TMEM72: variants seen among roughly 807,000 people sequenced by gnomAD.
TMEM72 encodes kidney-specific secretory protein of 37 kDa.
Under a neutral mutation model 16.3 loss-of-function variants are expected in TMEM72, and 9 were observed. The observed-to-expected ratio is 0.55, with a 90% CI of 0.33 to 0.96. The LOEUF (loss-of-function observed/expected upper bound fraction) is 0.96. Among genes scored for constraint, TMEM72 ranks in the 40% least tolerant of loss-of-function variants. The pLI is 0.03. For missense variants in TMEM72, 324 were observed against 337.8 expected (o/e 0.96, Z 0.32); for synonymous variants, 160 against 146.5 (o/e 1.09, Z -0.66).
rs190589531 is a variant in TMEM72, at chr10:44,927,386, T to G, written c.71-535T>G. Among the ~76,000 whole-genome samples the G allele has an allele frequency of 1.9e-3, 288 of 151,192 alleles. 3 individuals carry two copies. The highest frequency in any genetic ancestry group is 1.1e-3 in the Non-Finnish European group (74 of 67,916). ...GGAGGAGAGCTGAGGTTGAGCAACA[T>G]TTTCTTGTCAGAGAAAAACCCCAGG... On this transcript the variant is annotated intron_variant, in intron 1 of 4. Coordinates refer to ENST00000389583, the MANE Select transcript of TMEM72 (RefSeq NM_001123376.3).
intron 2 of TMEM72, 78 bp from the exon 3 acceptor site, chr10:44,931,920 C>A: frequency 7.0e-7 from 1 of 1,430,014 alleles, no homozygotes. Flanking sequence ...TGTCAGGAGG[C>A]CACGTGTGAG....
chr10:44,933,749 G>A lies in TMEM72; in HGVS notation c.322G>A (p.Val108Ile), dbSNP rs1840345214. Residue 108 changes from valine (V) to isoleucine (I), a missense_variant, in exon 4 of 5, where the codon GTC becomes ATC. By Grantham distance (29) the Val-to-Ile change is conservative. Transcript: ENST00000389583. ...GTCGGTGGCCTGCTTCCTCCACCCG[G>A]TCCTGGTCTGGCACGTGACCATCCC... ...LLSVACFLHP[V>I]LVWHVTIPGS... is the part of the protein sequence containing the mutation. The A allele has an allele frequency of 7.4e-6, 12 of 1,613,860 alleles. No homozygotes were observed. Among genetic ancestry groups the A allele is most frequent in the Non-Finnish European group, 1.0e-5 (12 of 1,179,940 alleles).
At chr10:44,917,453 G>T (rs1246761523) in intron 1 of TMEM72, among the ~76,000 whole-genome samples, 1 of 152,122 alleles carries the variant, frequency 6.6e-6, no homozygotes, top group Admixed American at 6.5e-5. Flanking sequence ...ATTATACTGG[G>T]AAACATTTCC....
intron 1 of TMEM72, among the ~76,000 whole-genome samples, chr10:44,920,636 C>G (rs1036210684): frequency 6.6e-6 from 1 of 152,204 alleles, no homozygotes; most frequent in Non-Finnish European, 1.5e-5. Flanking sequence ...TTAATGGGAG[C>G]AAAGGATGAG....
intron 2 of TMEM72, among the ~76,000 whole-genome samples, chr10:44,928,210 T>C (rs1310524142): frequency 6.6e-6 from 1 of 151,930 alleles, no homozygotes; most frequent in East Asian, 1.9e-4. Flanking sequence ...ATCCACCAAT[T>C]GATCCAGCCA....
chr10:44,931,862 G>C (rs1684816184), intron 2 of TMEM72, 136 bp from the exon 3 acceptor site: 2 of 851,976 alleles, frequency 2.3e-6, no homozygotes, highest in Non-Finnish European at 3.7e-6. Flanking sequence ...AGCCCGTGGT[G>C]AATGTTGTCT....
At chr10:44,922,145 T>C (rs887511554) in intron 1 of TMEM72, among the ~76,000 whole-genome samples, 2 of 152,166 alleles carry the variant, frequency 1.3e-5, no homozygotes, top group African/African-American at 2.4e-5. Context: ...GAGCCCCGCC[T>C]AAATCTGAAA....
intron 4 of TMEM72, 97 bp from the exon 5 acceptor site, chr10:44,934,559 C>G: frequency 2.4e-6 from 3 of 1,254,318 alleles, no homozygotes; most frequent in Non-Finnish European, 3.3e-6. Context: ...GGCCACACAG[C>G]GCCGGGTTGC....
chr10:44,914,465 G>A (rs1281818425), intron 1 of TMEM72, among the ~76,000 whole-genome samples: 3 of 152,206 alleles, frequency 2.0e-5, no homozygotes, highest in South Asian at 2.1e-4. Flanking sequence ...GCATGCGCCC[G>A]TGTGATGTCT....
At chr10:44,912,148 T>C (rs1439947456) in intron 1 of TMEM72, among the ~76,000 whole-genome samples, 1 of 152,204 alleles carries the variant, frequency 6.6e-6, no homozygotes, top group Non-Finnish European at 1.5e-5. Flanking sequence ...CCCAGACCCC[T>C]GTCTGAGGTC....
chr10:44,915,424 C>T (rs1839999509), intron 1 of TMEM72, among the ~76,000 whole-genome samples: 1 of 152,128 alleles, frequency 6.6e-6, no homozygotes. Context: ...AAACCGAGGC[C>T]TGATGGAGCG....
At chr10:44,930,493 A>T (rs1306761980) in intron 2 of TMEM72, among the ~76,000 whole-genome samples, 1 of 152,182 alleles carries the variant, frequency 6.6e-6, no homozygotes, top group South Asian at 2.1e-4. Context: ...CAGTAATTAT[A>T]GTGTTTATTA....
intron 1 of TMEM72, among the ~76,000 whole-genome samples, chr10:44,923,383 T>C (rs141848013): frequency 0.014 from 2,066 of 152,122 alleles, 21 homozygotes; most frequent in Non-Finnish European, 0.021. Context: ...CATTTCTCCC[T>C]CTCACTCTTA....
In TMEM72 at chr10:44,935,774, G is replaced by C. The variant is rs1429718266; in HGVS notation, c.*640G>C. 2 of 152,330 alleles carry C rather than the reference G, an allele frequency of 1.3e-5. No individual in the cohort carries two copies. The highest frequency in any genetic ancestry group is 1.3e-4 in the Admixed American group (2 of 15,292). The allele number at this position is 152,330 out of a possible 1,614,324, so 9.4% of individuals were successfully genotyped here. On this transcript the variant is annotated 3_prime_UTR_variant, in exon 5 of 5. Coordinates refer to ENST00000389583, the MANE Select transcript of TMEM72 (RefSeq NM_001123376.3). ...TCTGTGCTCACTGTGGGAAAGCCAG[G>C]CCAGATGAGCAAAGCTCATTCCAGA... is the stretch of plus-strand genomic sequence containing the variant.
intron 1 of TMEM72, among the ~76,000 whole-genome samples, chr10:44,917,419 G>A (rs1840029077): frequency 6.6e-6 from 1 of 152,160 alleles, no homozygotes; most frequent in Admixed American, 6.5e-5. Flanking sequence ...GCTGGAAGGA[G>A]GAAGGGGCTA....
chr10:44,919,389 T>C (rs148391501), intron 1 of TMEM72, among the ~76,000 whole-genome samples: 477 of 152,300 alleles, frequency 3.1e-3, no homozygotes, highest in Non-Finnish European at 4.7e-3. Flanking sequence ...GTAGAAAATC[T>C]AATAGAATCT....
intron 1 of TMEM72, among the ~76,000 whole-genome samples, chr10:44,914,582 G>A (rs1031007215): frequency 2.0e-5 from 3 of 152,210 alleles, no homozygotes; most frequent in Non-Finnish European, 4.4e-5. Context: ...CTGTGCGGAT[G>A]CCGGAGCTCC....
intron 1 of TMEM72, among the ~76,000 whole-genome samples, chr10:44,922,883 C>T (rs1366069981): frequency 1.3e-5 from 2 of 152,196 alleles, no homozygotes; most frequent in Non-Finnish European, 2.9e-5. Context: ...TACTCTAAGG[C>T]GTCAGGCCAG....
At chr10:44,928,038 A>G in intron 2 of TMEM72, 51 bp downstream of exon 2, 1 of 1,589,350 alleles carries the variant, frequency 6.3e-7, no homozygotes, top group Non-Finnish European at 8.6e-7. Context: ...TGCTCAACTC[A>G]CCCTACATCT....
Sources: allele counts gnomAD v4.1 joint callset (sites outside exome capture counted in the v4.1 genomes callset), GRCh38; gene constraint gnomAD v4.1.1; transcripts MANE v1.5; gene names NCBI Gene and HGNC (gene_info 2026-07-23, HGNC 2026-07-21).